Variants in DSCAML1 observed in about 807,000 individuals in gnomAD.
DSCAML1 encodes cell adhesion molecule DSCAML1.
Under a neutral mutation model 200.5 loss-of-function variants are expected in DSCAML1, and 38 were observed. The observed-to-expected ratio is 0.19, with a 90% CI of 0.15 to 0.25. The LOEUF (loss-of-function observed/expected upper bound fraction) is 0.25. Among genes scored for constraint, DSCAML1 ranks in the 10% least tolerant of loss-of-function variants. DSCAML1 has a pLI of 1.00. For synonymous variants in DSCAML1, 1,215 were observed against 1,165.0 expected, an observed-to-expected ratio of 1.04 and a Z score of -0.87; for missense variants, 2,223 against 2,858.8, an observed-to-expected ratio of 0.78 and a Z score of 5.07.
intron 3 of DSCAML1, among the ~76,000 whole-genome samples, chr11:117,606,441 G>A (rs116542222): frequency 4.9e-4 from 74 of 152,258 alleles, no homozygotes; most frequent in African/African-American, 1.7e-3. Context: ...CACTTTGATC[G>A]ATGAGTTAAA....
chr11:117,812,947 C>G (rs571655813), intron 1 of DSCAML1, among the ~76,000 whole-genome samples: 186 of 152,032 alleles, frequency 1.2e-3, no homozygotes, highest in Non-Finnish European at 1.0e-3. Flanking sequence ...CTTTTAGAGG[C>G]CTTTCCTACA....
At chr11:117,540,420 TATC>T (rs1292962376) in intron 3 of DSCAML1, among the ~76,000 whole-genome samples, 1 of 152,076 alleles carries the variant, frequency 6.6e-6, no homozygotes, top group Non-Finnish European at 1.5e-5. Flanking sequence ...CCCGTGGAAA[TATC>T]GTCTTCCATG....
Position 117,636,072 on chromosome 11 carries a change from G to A in DSCAML1, c.512-103550C>T, listed in dbSNP as rs566797639. On this transcript the variant is annotated intron_variant, in intron 3 of 32. Coordinates refer to ENST00000651296, the MANE Select transcript of DSCAML1 (RefSeq NM_020693.4). ...ATGTGCGGATCACAACTGGTCCCCC[G>A]ACCATCCTGCTGTGCTCCTTGAAGC... Among the ~76,000 whole-genome samples the A allele has an allele frequency of 7.5e-4, 114 of 152,260 alleles. 1 individual carries two copies. Among genetic ancestry groups the A allele is most frequent in the African/African-American group, 2.6e-3 (109 of 41,546 alleles).
intron 1 of DSCAML1, among the ~76,000 whole-genome samples, chr11:117,816,798 T>TGGGC (rs1555038450): frequency 1.0e-5 from 1 of 100,310 alleles, no homozygotes; most frequent in Non-Finnish European, 2.2e-5. Flanking sequence ...TCGGAATTGC[T>TGGGC]GGGGGGGTGG....
intron 3 of DSCAML1, among the ~76,000 whole-genome samples, chr11:117,604,949 G>A (rs537805667): frequency 5.4e-4 from 83 of 152,316 alleles, no homozygotes; most frequent in African/African-American, 1.6e-3. Context: ...TCTGTTGGCT[G>A]TGGGTTTCGG....
intron 19 of DSCAML1, among the ~76,000 whole-genome samples, chr11:117,453,552 T>TTA (rs1169177381): frequency 6.6e-6 from 1 of 152,152 alleles, no homozygotes; most frequent in East Asian, 1.9e-4. Flanking sequence ...CTTACATATT[T>TTA]TATATATATA....
chr11:117,665,989 C>T (rs2052966607), intron 3 of DSCAML1, among the ~76,000 whole-genome samples: 1 of 152,306 alleles, frequency 6.6e-6, no homozygotes, highest in East Asian at 1.9e-4. Flanking sequence ...CTATTGCCTG[C>T]GTGAGGATTG....
chr11:117,740,797 A>G (rs1404409449), intron 3 of DSCAML1, among the ~76,000 whole-genome samples: 3 of 152,240 alleles, frequency 2.0e-5, no homozygotes, highest in African/African-American at 4.8e-5. Context: ...GCCAATAACT[A>G]TGGCCACAGA....
chr11:117,715,131 AAACTAT>A (rs1231697127), intron 3 of DSCAML1, among the ~76,000 whole-genome samples: 1 of 151,454 alleles, frequency 6.6e-6, no homozygotes, highest in East Asian at 1.9e-4. Context: ...AAGAAAATGG[AAACTAT>A]AACCCACGGG....
At chr11:117,502,404 G>A (rs568031955) in intron 11 of DSCAML1, among the ~76,000 whole-genome samples, 39 of 152,322 alleles carry the variant, frequency 2.6e-4, no homozygotes, top group South Asian at 1.9e-3. Flanking sequence ...CTCTTCCCCC[G>A]CCTCGCGCAG....
At chr11:117,745,035 G>A (rs952474526) in intron 3 of DSCAML1, among the ~76,000 whole-genome samples, 7 of 152,208 alleles carry the variant, frequency 4.6e-5, no homozygotes, top group Middle Eastern at 6.8e-3. Flanking sequence ...CCTCCTGAGC[G>A]AACCGCACAG....
At chr11:117,619,201 G>A (rs1302009818) in intron 3 of DSCAML1, among the ~76,000 whole-genome samples, 1 of 152,250 alleles carries the variant, frequency 6.6e-6, no homozygotes, top group African/African-American at 2.4e-5. Context: ...CCAGCCCCTG[G>A]TGGCTGGTCT....
intron 3 of DSCAML1, among the ~76,000 whole-genome samples, chr11:117,547,907 C>G (rs1024804209): frequency 1.2e-4 from 19 of 152,228 alleles, no homozygotes; most frequent in Non-Finnish European, 2.6e-4. Context: ...TGCTGCTGCT[C>G]ATGACACTCT....
intron 3 of DSCAML1, among the ~76,000 whole-genome samples, chr11:117,635,892 C>T (rs1415751772): frequency 6.6e-6 from 1 of 152,136 alleles, no homozygotes; most frequent in Non-Finnish European, 1.5e-5. Flanking sequence ...GGGGGAGTCT[C>T]TGAGGTCCAG....
intron 19 of DSCAML1, among the ~76,000 whole-genome samples, chr11:117,452,366 C>T (rs11216398): frequency 0.14 from 21,142 of 152,098 alleles, 1,714 homozygotes; most frequent in South Asian, 0.26. Flanking sequence ...ACAAAGGGTT[C>T]CTCTTTATCT....
rs753302101 is a variant in DSCAML1, at chr11:117,428,485, G to T, written c.6005C>A (p.Ala2002Asp). The change falls in exon 33 of 33, where the codon GCC becomes GAC. Residue 2002 changes from alanine to aspartate, a missense_variant. Transcript: ENST00000651296. Reference protein sequence around the residue: ...PAEPPTAPSAAPPAPSTEPPR... With the variant: ...PAEPPTAPSADPPAPSTEPPR... ...AGGCTCGGTGCTGGGGGCCGGAGGGGCAGCGCTGGGGGCGGTGGGTGGCTC... is the reference window on the plus strand; with the variant it reads ...AGGCTCGGTGCTGGGGGCCGGAGGGTCAGCGCTGGGGGCGGTGGGTGGCTC... The T allele has an allele frequency of 3.8e-4, 579 of 1,531,366 alleles. No individual in the cohort carries two copies. The highest frequency in any genetic ancestry group is 4.7e-4 in the Non-Finnish European group (533 of 1,136,556). The allele number at this position is 1,531,366 out of a possible 1,614,324, so 94.9% of individuals were successfully genotyped here.
chr11:117,716,504 C>T (rs973292054), intron 3 of DSCAML1, among the ~76,000 whole-genome samples: 3 of 152,304 alleles, frequency 2.0e-5, no homozygotes, highest in South Asian at 4.1e-4. Context: ...TAGCCATGAG[C>T]GCTGCAAAAC....
chr11:117,453,457 T>C (rs1023634436), intron 19 of DSCAML1, among the ~76,000 whole-genome samples: 1 of 152,232 alleles, frequency 6.6e-6, no homozygotes, highest in African/African-American at 2.4e-5. Context: ...TCTCAGTTTT[T>C]ATTTGTCTGA....
chr11:117,753,363 C>A (rs1046113080), intron 3 of DSCAML1, among the ~76,000 whole-genome samples: 1 of 152,170 alleles, frequency 6.6e-6, no homozygotes, highest in African/African-American at 2.4e-5. Context: ...TCCCTTTGCC[C>A]TTTGTTGCTG....
Sources: gnomAD v4.1 joint callset for allele counts (sites outside exome capture counted in the v4.1 genomes callset) on GRCh38, gnomAD v4.1.1 for gene constraint, MANE v1.5 for transcripts, NCBI Gene and HGNC (gene_info 2026-07-23, HGNC 2026-07-21) for gene names.